MEGF9: variants seen among roughly 807,000 people sequenced by gnomAD.
MEGF9 encodes the protein multiple EGF like domains 9, also known as multiple epidermal growth factor-like domains protein 9.
MEGF9 carries 6 observed loss-of-function variants against 46.8 expected under a neutral mutation model. The ratio of observed to expected loss-of-function variants is 0.13; its 90% CI spans 0.07 to 0.25. MEGF9 has a LOEUF of 0.25. MEGF9 is among the 10% of genes least tolerant of loss of function. MEGF9 has a pLI of 1.00. For synonymous variants in MEGF9, 302 were observed against 330.7 expected (o/e 0.91, Z 0.94); for missense variants, 683 against 792.4 (o/e 0.86, Z 1.66).
intron 1 of MEGF9, among the ~76,000 whole-genome samples, chr9:120,694,576 T>A (rs115198469): frequency 6.6e-6 from 1 of 152,238 alleles, no homozygotes. Context: ...CCCTAGGTTA[T>A]TCTACTTTTT....
intron 2 of MEGF9, 48 bp from the exon 3 acceptor site, chr9:120,622,803 G>T: frequency 1.3e-6 from 2 of 1,597,302 alleles, no homozygotes; most frequent in African/African-American, 1.3e-5. Flanking sequence ...CAATTTAAAA[G>T]TTGTATTGAG....
chr9:120,690,414 T>C (rs937079832), intron 1 of MEGF9, among the ~76,000 whole-genome samples: 2 of 152,182 alleles, frequency 1.3e-5, no homozygotes, highest in African/African-American at 4.8e-5. Flanking sequence ...TAGTCAAAGA[T>C]GGCAACATTC....
rs570970319 is a variant in MEGF9, at chr9:120,648,826, A to C, written c.803+10548T>G. The stretch of plus-strand genomic sequence containing the variant: ...ACCTTCAGAGCCCTATATGAATGTA[A>C]GCCTCCGAGGTGTTTTGTCATCTTT... On this transcript the variant is annotated intron_variant, in intron 2 of 5. Coordinates refer to ENST00000373930, the MANE Select transcript of MEGF9 (RefSeq NM_001080497.3). Among the ~76,000 whole-genome samples, 80 of 152,342 alleles carry C rather than the reference A, an allele frequency of 5.3e-4. 1 individual carries two copies. Among genetic ancestry groups the C allele is most frequent in the Non-Finnish European group, 9.6e-4 (65 of 68,030 alleles).
At chr9:120,678,967 A>G (rs1016147322) in intron 1 of MEGF9, among the ~76,000 whole-genome samples, 2 of 152,210 alleles carry the variant, frequency 1.3e-5, no homozygotes, top group African/African-American at 4.8e-5. Context: ...TTAAAAAGTC[A>G]GGAAACAACA....
chr9:120,710,007 G>A (rs371227292), intron 1 of MEGF9, among the ~76,000 whole-genome samples: 72 of 142,748 alleles, frequency 5.0e-4, no homozygotes, highest in Admixed American at 1.5e-3. Flanking sequence ...AATCTAGCCT[G>A]GGCAAAAAGA....
In MEGF9 at chr9:120,605,592, G is replaced by C. The variant is rs142576831; in HGVS notation, c.1407C>G (p.Ala469=). The C allele has an allele frequency of 1.3e-4, 205 of 1,600,340 alleles. 1 individual carries two copies. In the African/African-American group the frequency reaches 2.6e-3, roughly 20 times the overall value. Residue 469 remains alanine (A), a synonymous_variant, in exon 6 of 6, where the codon GCC becomes GCG. Coordinates refer to ENST00000373930, the MANE Select transcript of MEGF9 (RefSeq NM_001080497.3). This position sits in a 1 kb window ranked among gnomAD's most constrained non-coding sequence, Gnocchi z 4.0. ...PEGSTILVSN[A]SLTTSVPTPV... ...GGGTGGGCACTGATGTGGTCAAAGAGGCATTGGAAACCAAAATGGTAGAAC... is the reference window on the plus strand; with the variant it reads ...GGGTGGGCACTGATGTGGTCAAAGACGCATTGGAAACCAAAATGGTAGAAC...
At chr9:120,692,506 T>C (rs1015605329) in intron 1 of MEGF9, among the ~76,000 whole-genome samples, 2 of 152,196 alleles carry the variant, frequency 1.3e-5, no homozygotes, top group Non-Finnish European at 2.9e-5. Context: ...TGTTGCAGTT[T>C]CTAGACTGAT....
At chr9:120,656,181 A>G (rs2043675979) in intron 2 of MEGF9, among the ~76,000 whole-genome samples, 1 of 152,146 alleles carries the variant, frequency 6.6e-6, no homozygotes, top group Non-Finnish European at 1.5e-5. Flanking sequence ...AGTTAACTAT[A>G]CCCTTTAAAC....
intron 3 of MEGF9, among the ~76,000 whole-genome samples, chr9:120,618,474 T>C (rs1288342193): frequency 6.6e-6 from 1 of 152,234 alleles, no homozygotes; most frequent in Non-Finnish European, 1.5e-5. Context: ...GTATATTATA[T>C]GAACATGAAG....
chr9:120,673,031 T>TA (rs1340974389), intron 1 of MEGF9, among the ~76,000 whole-genome samples: 3 of 151,728 alleles, frequency 2.0e-5, no homozygotes, highest in African/African-American at 7.3e-5. Flanking sequence ...CTCAAAAAAA[T>TA]AAAAAATAAG....
chr9:120,659,930 T>C (rs2043694868), intron 1 of MEGF9, among the ~76,000 whole-genome samples: 1 of 151,058 alleles, frequency 6.6e-6, no homozygotes, highest in African/African-American at 2.4e-5. Flanking sequence ...TCCCACTGTA[T>C]AGCAGCAAAA....
chr9:120,686,476 G>A (rs1043440703), intron 1 of MEGF9, among the ~76,000 whole-genome samples: 2 of 152,216 alleles, frequency 1.3e-5, no homozygotes, highest in African/African-American at 2.4e-5. Context: ...TTAACAAACT[G>A]TACACTTAAA....
rs150880156 is a variant in MEGF9 at position 120,667,919 on chromosome 9, G to A, written c.602-8344C>T. 2.2e-4 allele frequency among the ~76,000 whole-genome samples: 33 copies of A among 152,286 alleles called. No individual in the cohort carries two copies. The East Asian group carries it at 4.8e-3, about 22-fold the overall frequency. On this transcript the variant is annotated intron_variant, in intron 1 of 5. Transcript: ENST00000373930. ...ATGTGCCTGTAATCCCATCTACTCC[G>A]GAGGCTGAGGCAGGAGAATCGCTTA... is the stretch of plus-strand genomic sequence containing the variant.
chr9:120,627,487 T>A (rs2043530323), intron 2 of MEGF9, among the ~76,000 whole-genome samples: 1 of 152,064 alleles, frequency 6.6e-6, no homozygotes, highest in Admixed American at 6.6e-5. Flanking sequence ...TGAGATGGAG[T>A]CTTGCTCTGT....
chr9:120,608,596 T>G (rs1423753255), intron 4 of MEGF9, among the ~76,000 whole-genome samples: 2 of 152,240 alleles, frequency 1.3e-5, no homozygotes, highest in Admixed American at 6.5e-5. Flanking sequence ...AATATGTGTA[T>G]GTGTATCTCT....
intron 1 of MEGF9, among the ~76,000 whole-genome samples, chr9:120,662,385 TAA>T (rs906114135): frequency 6.6e-6 from 1 of 152,228 alleles, no homozygotes; most frequent in African/African-American, 2.4e-5. Flanking sequence ...CACTTCTCCA[TAA>T]ACTCTAACTG....
chr9:120,611,334 G>A (rs2043444095), intron 4 of MEGF9, among the ~76,000 whole-genome samples: 2 of 152,040 alleles, frequency 1.3e-5, no homozygotes, highest in Admixed American at 6.6e-5. Context: ...GCTAAAAAGT[G>A]GAAACAACAC....
intron 2 of MEGF9, among the ~76,000 whole-genome samples, chr9:120,630,471 G>A (rs568819917): frequency 3.4e-4 from 52 of 152,284 alleles, no homozygotes; most frequent in Middle Eastern, 3.4e-3. Context: ...CAATAAACAT[G>A]GGCATGCAAA....
chr9:120,661,221 T>C (rs955706442), intron 1 of MEGF9, among the ~76,000 whole-genome samples: 1 of 152,158 alleles, frequency 6.6e-6, no homozygotes, highest in Non-Finnish European at 1.5e-5. Context: ...AGATAACAAA[T>C]AACAAATAAA....
Sources: gnomAD v4.1 joint callset for allele counts (sites outside exome capture counted in the v4.1 genomes callset) on GRCh38, gnomAD v4.1.1 for gene constraint, Gnocchi (gnomAD v3.1) non-coding constraint, MANE v1.5 for transcripts, NCBI Gene and HGNC (gene_info 2026-07-23, HGNC 2026-07-21) for gene names.